FGD4: variants seen among roughly 807,000 people sequenced by gnomAD.
FGD4 encodes FYVE, RhoGEF and PH domain containing 4, also known as FYVE, RhoGEF and PH domain-containing protein 4.
Under a neutral mutation model 102.0 loss-of-function variants are expected in FGD4, and 42 were observed. The ratio of observed to expected loss-of-function variants is 0.41; its 90% CI spans 0.32 to 0.53. The LOEUF is 0.53. Ranked by LOEUF, FGD4 falls within the 20% of genes least tolerant of loss-of-function variation. The probability of loss-of-function intolerance (pLI) is 0.21; values close to 1 mark genes in which losing one functional copy is unlikely to be tolerated. For synonymous variants in FGD4, 380 were observed against 375.7 expected, an observed-to-expected ratio of 1.01 and a Z score of -0.13; for missense variants, 902 against 1,078.2, an observed-to-expected ratio of 0.84 and a Z score of 2.29.
intron 1 of FGD4, among the ~76,000 whole-genome samples, chr12:32,476,031 C>G (rs79166291): frequency 0.038 from 5,777 of 152,236 alleles, 163 homozygotes; most frequent in South Asian, 0.12. Flanking sequence ...TGACATTCTT[C>G]TTGGAATTCT....
chr12:32,592,666 T>C (rs1398452457), intron 4 of FGD4, among the ~76,000 whole-genome samples: 2 of 152,172 alleles, frequency 1.3e-5, no homozygotes, highest in African/African-American at 4.8e-5. Flanking sequence ...TTATATGTAA[T>C]TCTAATATAG....
chr12:32,464,968 C>A (rs1943213339), intron 1 of FGD4, among the ~76,000 whole-genome samples: 1 of 152,140 alleles, frequency 6.6e-6, no homozygotes, highest in Non-Finnish European at 1.5e-5. Flanking sequence ...GTTCTACCTA[C>A]AACTCCAGTT....
intron 4 of FGD4, among the ~76,000 whole-genome samples, chr12:32,590,399 C>T (rs1947380476): frequency 6.6e-6 from 1 of 151,382 alleles, no homozygotes; most frequent in Admixed American, 6.6e-5. Flanking sequence ...TAATGTGAGC[C>T]TAGTGATAAA....
intron 7 of FGD4, among the ~76,000 whole-genome samples, chr12:32,606,329 T>A (rs1300125016): frequency 6.6e-6 from 1 of 152,108 alleles, no homozygotes; most frequent in African/African-American, 2.4e-5. Context: ...TGCAGTAGAT[T>A]AATCTAATAG....
intron 1 of FGD4, among the ~76,000 whole-genome samples, chr12:32,500,489 A>G (rs1418939075): frequency 1.3e-5 from 2 of 151,384 alleles, no homozygotes; most frequent in African/African-American, 4.9e-5. Flanking sequence ...GCTGGAGTGC[A>G]GTGGCGCAAT....
intron 1 of FGD4, among the ~76,000 whole-genome samples, chr12:32,527,747 T>C (rs1003563919): frequency 2.6e-5 from 4 of 151,934 alleles, no homozygotes; most frequent in Non-Finnish European, 5.9e-5. Flanking sequence ...TATTTTAATG[T>C]AGTAAGTCAA....
intron 1 of FGD4, among the ~76,000 whole-genome samples, chr12:32,524,228 C>T (rs1411141124): frequency 6.6e-6 from 1 of 151,320 alleles, no homozygotes; most frequent in Non-Finnish European, 1.5e-5. Context: ...AACCCCGTCT[C>T]TACTAAAAAT....
chr12:32,402,117 A>ATTTTTT (rs56852726), intron 1 of FGD4, among the ~76,000 whole-genome samples: 2 of 105,200 alleles, frequency 1.9e-5, no homozygotes, highest in African/African-American at 7.2e-5. Context: ...TTGGCCAGGC[A>ATTTTTT]TTTTTTTTTT....
intron 1 of FGD4, among the ~76,000 whole-genome samples, chr12:32,414,940 G>A (rs1288688550): frequency 6.6e-6 from 1 of 151,892 alleles, no homozygotes; most frequent in Non-Finnish European, 1.5e-5. Context: ...TTCCTTCTTA[G>A]TACTGCTTTC....
At chr12:32,482,960 T>G (rs1371522897) in intron 1 of FGD4, among the ~76,000 whole-genome samples, 1 of 152,206 alleles carries the variant, frequency 6.6e-6, no homozygotes, top group Non-Finnish European at 1.5e-5. Context: ...AATGACTTTT[T>G]GTTGAGGTTG....
intron 1 of FGD4, among the ~76,000 whole-genome samples, chr12:32,536,850 A>G (rs1942311152): frequency 1.3e-5 from 2 of 152,330 alleles, no homozygotes; most frequent in South Asian, 4.1e-4. Context: ...CAAACAAACA[A>G]AAAAGACTGT....
chr12:32,565,589 T>A (rs1008175675), intron 2 of FGD4, among the ~76,000 whole-genome samples: 1 of 152,226 alleles, frequency 6.6e-6, no homozygotes, highest in African/African-American at 2.4e-5. Flanking sequence ...AAGAATTTCA[T>A]TACTTAAAAA....
intron 3 of FGD4, among the ~76,000 whole-genome samples, chr12:32,579,228 G>A (rs983262432): frequency 6.6e-5 from 10 of 151,908 alleles, no homozygotes; most frequent in Non-Finnish European, 2.9e-5. Context: ...TGTATTTTTA[G>A]TAGAGACGGG....
chr12:32,458,781 C>CA (rs1239580885), intron 1 of FGD4, among the ~76,000 whole-genome samples: 1 of 152,126 alleles, frequency 6.6e-6, no homozygotes, highest in Admixed American at 6.5e-5. Flanking sequence ...ACTTTACATT[C>CA]ATTGTTCTAG....
At chr12:32,541,962 GA>G (rs113379614) in intron 1 of FGD4, among the ~76,000 whole-genome samples, 54 of 147,878 alleles carry the variant, frequency 3.7e-4, no homozygotes, top group Middle Eastern at 3.6e-3. Flanking sequence ...TTTCCTCAGG[GA>G]AAAAAAAAAA....
At chr12:32,609,980 C>G (rs552494766) in intron 8 of FGD4, among the ~76,000 whole-genome samples, 1 of 152,336 alleles carries the variant, frequency 6.6e-6, no homozygotes, top group East Asian at 1.9e-4. Flanking sequence ...CCATTCCCAC[C>G]TGCCCCAGGA....
chr12:32,565,605 T>C (rs1945124888), intron 2 of FGD4, among the ~76,000 whole-genome samples: 1 of 152,230 alleles, frequency 6.6e-6, no homozygotes, highest in Non-Finnish European at 1.5e-5. Flanking sequence ...AAAAAGCCTT[T>C]ATTTTTGGAA....
intron 1 of FGD4, among the ~76,000 whole-genome samples, chr12:32,493,162 A>G (rs773679142): frequency 3.9e-5 from 6 of 152,240 alleles, no homozygotes; most frequent in Non-Finnish European, 8.8e-5. Flanking sequence ...CTGGGCAGTC[A>G]CCGTCCAGCT....
chr12:32,607,004 C>A (rs1948823372), intron 7 of FGD4, among the ~76,000 whole-genome samples: 1 of 152,130 alleles, frequency 6.6e-6, no homozygotes, highest in Non-Finnish European at 1.5e-5. Context: ...TTTATCATAG[C>A]CTTATTATCA....
Sources: gnomAD v4.1 joint callset for allele counts (sites outside exome capture counted in the v4.1 genomes callset) on GRCh38, gnomAD v4.1.1 for gene constraint, MANE v1.5 for transcripts, NCBI Gene and HGNC (gene_info 2026-07-23, HGNC 2026-07-21) for gene names.